Variants in PYHIN1 observed in about 807,000 individuals in gnomAD.
PYHIN1 encodes the protein pyrin and HIN domain family member 1.
In PYHIN1, 32 loss-of-function variants were observed where a neutral mutation model predicts 43.7. The ratio of observed to expected loss-of-function variants is 0.73; its 90% CI spans 0.55 to 0.98. PYHIN1 has a LOEUF of 0.98. Ranked by LOEUF, PYHIN1 falls within the 50% of genes least tolerant of loss-of-function variation. The pLI, the probability that PYHIN1 is intolerant of heterozygous loss-of-function variation, is 0.00. For synonymous variants in PYHIN1, 205 were observed against 203.1 expected (o/e 1.01, Z -0.08); for missense variants, 588 against 589.5 (o/e 1.00, Z 0.03).
chr1:158,938,530 T>C lies in PYHIN1; in HGVS notation c.399T>C (p.Thr133=). The change falls in exon 3 of 9, where the codon ACT becomes ACC. Residue 133 remains threonine, a synonymous_variant. Coordinates refer to ENST00000368140, the MANE Select transcript of PYHIN1 (RefSeq NM_152501.5). ...NRLTAKGAEE[T]LGPQKRKKPS... ...TCACAGCTAAAGGAGCAGAGGAGAC[T>C]CTTGGACCTCAGGTAAGCTTCAGGA... 6.2e-7 allele frequency: 1 copy of C among 1,614,116 alleles called. No individual in the cohort carries two copies. The highest frequency in any genetic ancestry group is 8.5e-7 in the Non-Finnish European group (1 of 1,179,974).
At chr1:158,978,817 G>A (rs1454325561), downstream of PYHIN1, among the ~76,000 whole-genome samples, 1 of 152,146 alleles carries the variant, frequency 6.6e-6, no homozygotes, top group African/African-American at 2.4e-5. Context: ...AACCTCTAAT[G>A]CCTTGACCCC....
chr1:158,976,806 T>A lies in PYHIN1; in HGVS notation c.*111T>A. The A allele has an allele frequency of 1.0e-6, 1 of 979,706 alleles. No individual in the cohort carries two copies. Among genetic ancestry groups the A allele is most frequent in the Non-Finnish European group, 1.6e-6 (1 of 621,996 alleles). 60.7% of individuals were successfully genotyped at this position (979,706 alleles called of 1,614,324 possible). A position where few individuals can be genotyped will look rare whatever the true frequency, so the allele number is the denominator to read the frequency against. On this transcript the variant is annotated 3_prime_UTR_variant, in exon 9 of 9. Coordinates refer to ENST00000368140, the MANE Select transcript of PYHIN1 (RefSeq NM_152501.5). ...AAAAACCTGATGCCATTGGTAATGA[T>A]GTTTATGAAGATAAGATCAAAGCAC...
intron 2 of PYHIN1, among the ~76,000 whole-genome samples, chr1:158,937,837 T>TG (rs1648651681): frequency 6.6e-6 from 1 of 151,666 alleles, no homozygotes; most frequent in East Asian, 1.9e-4. Flanking sequence ...TCCCAGCTAC[T>TG]CGGAGGCTGA....
At chr1:158,962,695 G>T (rs916331366) in intron 7 of PYHIN1, among the ~76,000 whole-genome samples, 4 of 152,188 alleles carry the variant, frequency 2.6e-5, no homozygotes, top group Non-Finnish European at 5.9e-5. Context: ...GGCACCTCCA[G>T]CACACAGCAG....
intron 7 of PYHIN1, among the ~76,000 whole-genome samples, chr1:158,971,971 GA>G (rs950081596): frequency 1.3e-5 from 2 of 151,600 alleles, no homozygotes; most frequent in African/African-American, 4.8e-5. Flanking sequence ...AAGAATAAAA[GA>G]AAAAAATAAA....
At chr1:158,948,081 G>T (rs1298944282) in intron 7 of PYHIN1, among the ~76,000 whole-genome samples, 1 of 152,118 alleles carries the variant, frequency 6.6e-6, no homozygotes, top group Non-Finnish European at 1.5e-5. Flanking sequence ...TCTGCATCAG[G>T]TTCTCTTGAC....
chr1:158,939,009 C>A, intron 3 of PYHIN1, 71 bp from the exon 4 acceptor site: 2 of 1,159,906 alleles, frequency 1.7e-6, no homozygotes, highest in South Asian at 3.5e-5. Flanking sequence ...AATATATTAC[C>A]TTGTAATGAA....
chr1:158,944,111 C>T (rs80336989), intron 6 of PYHIN1, 133 bp downstream of exon 6: 56,751 of 523,252 alleles, frequency 0.11, 3,576 homozygotes, highest in Non-Finnish European at 0.12. Context: ...AATGCCCTTG[C>T]GCTTACATTT....
intron 6 of PYHIN1, 128 bp from the exon 7 acceptor site, chr1:158,944,747 A>G (rs1264993709): frequency 1.5e-6 from 1 of 654,876 alleles, no homozygotes; most frequent in African/African-American, 1.9e-5. Context: ...AATACATTAG[A>G]TAGAGGCAAT....
In PYHIN1 at chr1:158,952,108, GTT is replaced by G. The variant is rs35079460; in HGVS notation, c.1359+7085_1359+7086del. ...CTAGGCGCCGCTTTTGCCTGTGTCGGTTTTTTTTTTTTTTTTTTTTCCTGTGC... is the reference window on the plus strand; with the variant it reads ...CTAGGCGCCGCTTTTGCCTGTGTCGGTTTTTTTTTTTTTTTTTTCCTGTGC... On this transcript the variant is annotated intron_variant, in intron 7 of 8. Transcript: ENST00000368140. 5.6e-3 allele frequency among the ~76,000 whole-genome samples: 659 copies of G among 118,094 alleles called. 1 individual carries two copies. Among genetic ancestry groups the G allele is most frequent in the South Asian group, 9.0e-3 (30 of 3,350 alleles). 77.5% of individuals were successfully genotyped at this position (118,094 alleles called of 152,430 possible).
chr1:158,945,282 G>T, intron 7 of PYHIN1: 1 of 323,204 alleles, frequency 3.1e-6, no homozygotes, highest in Non-Finnish European at 5.6e-6. Context: ...ATCTTGTCTT[G>T]CTCCACCTAT....
chr1:158,945,328 CAA>C (rs1391460607), intron 7 of PYHIN1: 3 of 250,926 alleles, frequency 1.2e-5, no homozygotes, highest in Non-Finnish European at 2.3e-5. Flanking sequence ...GAGATGAAGA[CAA>C]AGAGTGTGTT....
chr1:158,937,813 G>A (rs1331555224), intron 2 of PYHIN1, among the ~76,000 whole-genome samples: 1 of 152,060 alleles, frequency 6.6e-6, no homozygotes, highest in Non-Finnish European at 1.5e-5. Context: ...AGGCGTGGTG[G>A]CAGGCACCTG....
the PYHIN1 span, among the ~76,000 whole-genome samples, chr1:158,986,483 G>T: frequency 1.3e-5 from 2 of 152,132 alleles, no homozygotes; most frequent in African/African-American, 4.8e-5. Flanking sequence ...CACTGAAGGG[G>T]CTGAGGTGTT....
chr1:158,970,675 T>C (rs1650882146), intron 7 of PYHIN1, among the ~76,000 whole-genome samples: 1 of 151,988 alleles, frequency 6.6e-6, no homozygotes, highest in African/African-American at 2.4e-5. Flanking sequence ...AATGAGATTT[T>C]CTACAACTGG....
At chr1:158,958,635 T>C (rs547759409) in intron 7 of PYHIN1, among the ~76,000 whole-genome samples, 11 of 148,824 alleles carry the variant, frequency 7.4e-5, no homozygotes, top group South Asian at 2.2e-4. Flanking sequence ...AGGGATAGCA[T>C]TGGGAGATAT....
intron 7 of PYHIN1, among the ~76,000 whole-genome samples, chr1:158,948,101 C>A (rs12569215): frequency 2.6e-5 from 4 of 152,210 alleles, no homozygotes; most frequent in African/African-American, 9.7e-5. Flanking sequence ...CTGAAGCATA[C>A]AGATGTGTGC....
downstream of PYHIN1, among the ~76,000 whole-genome samples, chr1:158,978,802 G>A (rs1318262629): frequency 6.6e-6 from 1 of 152,140 alleles, no homozygotes; most frequent in East Asian, 1.9e-4. Context: ...AATTTAAACA[G>A]CGTCAACCTC....
chr1:158,979,866 A>G (rs550717188), downstream of PYHIN1, among the ~76,000 whole-genome samples: 2 of 152,130 alleles, frequency 1.3e-5, no homozygotes, highest in Admixed American at 6.6e-5. Flanking sequence ...GTAGTTTTTC[A>G]GTCTTCACCC....
Sources: allele counts gnomAD v4.1 joint callset (sites outside exome capture counted in the v4.1 genomes callset), GRCh38; gene constraint gnomAD v4.1.1; transcripts MANE v1.5; gene names NCBI Gene and HGNC (gene_info 2026-07-23, HGNC 2026-07-21).